SLC7A6: variants seen among roughly 807,000 people sequenced by gnomAD.
SLC7A6 encodes the protein solute carrier family 7 member 6.
A neutral mutation model predicts 46.6 loss-of-function variants in SLC7A6; 29 were observed. The ratio of observed to expected loss-of-function variants is 0.62; its 90% CI spans 0.46 to 0.85. The LOEUF is 0.85. Ranked by LOEUF, SLC7A6 falls within the 40% of genes least tolerant of loss-of-function variation. SLC7A6 has a pLI of 0.00. For synonymous variants in SLC7A6, 276 were observed against 257.3 expected, an observed-to-expected ratio of 1.07 and a Z score of -0.70; for missense variants, 527 against 647.6, an observed-to-expected ratio of 0.81 and a Z score of 2.02.
intron 3 of SLC7A6, among the ~76,000 whole-genome samples, chr16:68,276,266 T>C (rs958813779): frequency 4.6e-5 from 7 of 152,244 alleles, no homozygotes; most frequent in Admixed American, 3.9e-4. Flanking sequence ...TTTTCTCTTA[T>C]GGGGTAGTAA....
chr16:68,286,964 A>G (rs2042947318), intron 3 of SLC7A6, among the ~76,000 whole-genome samples: 1 of 151,114 alleles, frequency 6.6e-6, no homozygotes, highest in Non-Finnish European at 1.5e-5. Context: ...TGAAATTGTC[A>G]GGCATATAAC....
chr16:68,290,265 C>T, intron 4 of SLC7A6, 131 bp from the exon 5 acceptor site: 2 of 970,242 alleles, frequency 2.1e-6, no homozygotes, highest in Middle Eastern at 3.4e-4. Context: ...CCCATTCCTC[C>T]TTTTTTTCAT....
intron 7 of SLC7A6, chr16:68,292,908 A>G (rs893190196): frequency 2.0e-5 from 3 of 152,126 alleles, no homozygotes; most frequent in African/African-American, 7.2e-5. Flanking sequence ...TTCTTTCCTG[A>G]TTTCTCTTCC....
At chr16:68,294,202 A>G (rs1021708480) in intron 7 of SLC7A6, among the ~76,000 whole-genome samples, 28 of 152,198 alleles carry the variant, frequency 1.8e-4, no homozygotes, top group African/African-American at 6.0e-4. Flanking sequence ...ACGCTGTGCC[A>G]GTCTTTTTCC....
intron 7 of SLC7A6, among the ~76,000 whole-genome samples, chr16:68,292,951 C>T (rs967408490): frequency 6.6e-6 from 1 of 152,106 alleles, no homozygotes; most frequent in Non-Finnish European, 1.5e-5. Context: ...TCCCCAGGGC[C>T]GGGGGTATAA....
At chr16:68,286,864 T>C (rs1440092051) in intron 3 of SLC7A6, among the ~76,000 whole-genome samples, 2 of 152,140 alleles carry the variant, frequency 1.3e-5, no homozygotes, top group Non-Finnish European at 1.5e-5. Flanking sequence ...AAATGGTAGT[T>C]AGCTTCTCTC....
intron 3 of SLC7A6, among the ~76,000 whole-genome samples, chr16:68,277,496 A>G (rs575202440): frequency 1.3e-5 from 2 of 151,458 alleles, no homozygotes; most frequent in African/African-American, 4.9e-5. Context: ...TATTTTTAGT[A>G]GAGATGGGGT....
intron 5 of SLC7A6, 172 bp from the exon 6 acceptor site, chr16:68,291,037 T>C (rs766911759): frequency 8.3e-6 from 6 of 724,454 alleles, no homozygotes; most frequent in Non-Finnish European, 1.2e-5. Context: ...ACAGAGAAAG[T>C]TGGGTCTTTC....
Position 68,264,715 on chromosome 16 carries a change from A to G in SLC7A6, c.-166+139A>G, listed in dbSNP as rs948670520. The G allele has an allele frequency of 2.9e-4, 44 of 152,354 alleles. 1 individual carries two copies. Among genetic ancestry groups the G allele is most frequent in the African/African-American group, 9.6e-4 (40 of 41,528 alleles). The allele number at this position is 152,354 out of a possible 1,614,324, so 9.4% of individuals were successfully genotyped here. A position where few individuals can be genotyped will look rare whatever the true frequency, so the allele number is the denominator to read the frequency against. On this transcript the variant is annotated intron_variant, in intron 1 of 10. Coordinates refer to ENST00000219343, the MANE Select transcript of SLC7A6 (RefSeq NM_003983.6). This position sits in a 1 kb window ranked among gnomAD's most constrained non-coding sequence, Gnocchi z 5.8. ...CCCAGAAACAGCGCGGGGCTGGCCG[A>G]TCGGGGCCGCGCGAGAGGCGCTGCG...
In SLC7A6 at chr16:68,287,748, C is replaced by A; in HGVS notation, c.526C>A (p.Leu176Met). The part of the protein sequence containing the change: ...CRLLAAACIC[L>M]LTFVNCAYVK... ...TGACTTTGTGGTTTTCCTCCTAGGT[C>A]TGCTGACATTTGTGAACTGTGCCTA... Residue 176 changes from leucine to methionine, a missense_variant and splice_region_variant, in exon 4 of 11, where the codon CTG becomes ATG. Leu to Met is a conservative substitution (Grantham distance 15, BLOSUM62 2). Transcript: ENST00000219343. 1 of 1,613,084 alleles carries A rather than the reference C, an allele frequency of 6.2e-7. No individual in the cohort carries two copies. Among genetic ancestry groups the A allele is most frequent in the Non-Finnish European group, 8.5e-7 (1 of 1,179,148 alleles).
chr16:68,278,347 G>A (rs4783611), intron 3 of SLC7A6, among the ~76,000 whole-genome samples: 17,526 of 149,742 alleles, frequency 0.12, 1,358 homozygotes, highest in Non-Finnish European at 0.18. Flanking sequence ...GGTGTTTCTC[G>A]CAGAGGGGGA....
chr16:68,296,831 T>G (rs768997183), intron 10 of SLC7A6, 21 bp downstream of exon 10: 2 of 1,612,768 alleles, frequency 1.2e-6, no homozygotes, highest in East Asian at 2.2e-5. Flanking sequence ...CTGTGCCCCA[T>G]TACTCACTGG....
chr16:68,290,238 T>G, intron 4 of SLC7A6, 158 bp from the exon 5 acceptor site: 1 of 728,452 alleles, frequency 1.4e-6, no homozygotes, highest in South Asian at 2.2e-5. Context: ...CTTCTTGTTT[T>G]TTCTTTCTTG....
chr16:68,273,325 T>C (rs2042653321), intron 2 of SLC7A6, among the ~76,000 whole-genome samples: 1 of 152,208 alleles, frequency 6.6e-6, no homozygotes, highest in African/African-American at 2.4e-5. Flanking sequence ...TTGCCGATCC[T>C]GTTCCTATTG....
At chr16:68,279,531 G>A (rs1268190073) in intron 3 of SLC7A6, among the ~76,000 whole-genome samples, 1 of 151,780 alleles carries the variant, frequency 6.6e-6, no homozygotes, top group African/African-American at 2.4e-5. Context: ...TTGCTGCCTC[G>A]ATTTTCTCTT....
Position 68,297,381 on chromosome 16 carries a change from T to G in SLC7A6, c.*53T>G, listed in dbSNP as rs1317012479. On this transcript the variant is annotated 3_prime_UTR_variant, in exon 11 of 11. Coordinates refer to ENST00000219343, the MANE Select transcript of SLC7A6 (RefSeq NM_003983.6). ...GAAGGCAGGCCAACCAGCAAAATCC[T>G]GATAACAAGACTCTGTGGGCCCAAC... 6.8e-7 allele frequency: 1 copy of G among 1,479,378 alleles called. No individual in the cohort carries two copies. Among genetic ancestry groups the G allele is most frequent in the African/African-American group, 1.4e-5 (1 of 71,886 alleles). The allele number at this position is 1,479,378 out of a possible 1,614,324, so 91.6% of individuals were successfully genotyped here. A position where few individuals can be genotyped will look rare whatever the true frequency, so the allele number is the denominator to read the frequency against.
chr16:68,296,803 T>C lies in SLC7A6; in HGVS notation c.1446T>C (p.Asn482=). The change falls in exon 10 of 11, where the codon AAT becomes AAC. Residue 482 remains asparagine, a synonymous_variant. Coordinates refer to ENST00000219343, the MANE Select transcript of SLC7A6 (RefSeq NM_003983.6). ...CCCGGAGGCCATTGTTTATTCGGAA[T>C]GTCCTGGGTGAGCTTCTCTGTGCCC... The part of the protein sequence containing the change: ...PESRRPLFIR[N]VLAAITRGTQ... 2 of 1,614,128 alleles carry C rather than the reference T, an allele frequency of 1.2e-6. No individual in the cohort carries two copies. Among genetic ancestry groups the C allele is most frequent in the Non-Finnish European group, 1.7e-6 (2 of 1,180,016 alleles).
At chr16:68,277,451 G>T (rs2042733503) in intron 3 of SLC7A6, among the ~76,000 whole-genome samples, 1 of 151,500 alleles carries the variant, frequency 6.6e-6, no homozygotes, top group South Asian at 2.1e-4. Context: ...CCGGACTACA[G>T]TAGGCGCCCG....
intron 1 of SLC7A6, among the ~76,000 whole-genome samples, chr16:68,266,332 T>C (rs1237884623): frequency 6.6e-6 from 1 of 152,122 alleles, no homozygotes; most frequent in African/African-American, 2.4e-5. Context: ...TAGACTTACA[T>C]GATTTAATGT....
Sources: allele counts gnomAD v4.1 joint callset (sites outside exome capture counted in the v4.1 genomes callset), GRCh38; gene constraint gnomAD v4.1.1; non-coding constraint Gnocchi (gnomAD v3.1); transcripts MANE v1.5; gene names NCBI Gene and HGNC (gene_info 2026-07-23, HGNC 2026-07-21).